Variants in CCDC6 observed in about 807,000 individuals in gnomAD.
The protein encoded by CCDC6 is coiled-coil domain-containing protein 6.
CCDC6 carries 20 observed loss-of-function variants against 56.6 expected under a neutral mutation model. That is an observed-to-expected ratio of 0.35 (90% CI 0.25 to 0.51). The LOEUF (loss-of-function observed/expected upper bound fraction) is 0.51, where lower values mean the gene tolerates loss of function less well. Ranked by LOEUF, CCDC6 falls within the 20% of genes least tolerant of loss-of-function variation. CCDC6 has a pLI of 0.95. For synonymous variants in CCDC6, 241 were observed against 234.4 expected, an observed-to-expected ratio of 1.03 and a Z score of -0.26; for missense variants, 367 against 601.1, an observed-to-expected ratio of 0.61 and a Z score of 4.07.
intron 6 of CCDC6, chr10:59,805,310 AAG>A (rs1484788252): frequency 1.3e-5 from 2 of 152,190 alleles, no homozygotes; most frequent in Non-Finnish European, 2.9e-5. Flanking sequence ...CTAGTAGACT[AAG>A]AGGCATCTTG....
chr10:59,900,679 C>T (rs1245131254), intron 1 of CCDC6, among the ~76,000 whole-genome samples: 3 of 152,284 alleles, frequency 2.0e-5, no homozygotes, highest in East Asian at 1.9e-4. Context: ...ACAAGAGTCA[C>T]CACAAACCAG....
At chr10:59,864,182 C>G (rs777004911) in intron 1 of CCDC6, among the ~76,000 whole-genome samples, 5 of 152,074 alleles carry the variant, frequency 3.3e-5, no homozygotes, top group African/African-American at 4.8e-5. Flanking sequence ...AAGAAAGTTC[C>G]CCCCACCTTT....
intron 3 of CCDC6, among the ~76,000 whole-genome samples, chr10:59,823,012 C>T (rs866890960): frequency 2.6e-5 from 4 of 152,280 alleles, no homozygotes; most frequent in Non-Finnish European, 5.9e-5. Flanking sequence ...GAGAAGACTA[C>T]AGGCAGACTT....
At chr10:59,871,316 T>C (rs2071227346) in intron 1 of CCDC6, among the ~76,000 whole-genome samples, 3 of 152,022 alleles carry the variant, frequency 2.0e-5, no homozygotes, top group Admixed American at 1.3e-4. Context: ...CACCGCCTTG[T>C]ATATACGAAG....
At chr10:59,826,118 G>A (rs1193235893) in intron 3 of CCDC6, among the ~76,000 whole-genome samples, 1 of 152,104 alleles carries the variant, frequency 6.6e-6, no homozygotes, top group African/African-American at 2.4e-5. Flanking sequence ...ACAAGCCCTG[G>A]TAGAGCTATG....
At chr10:59,866,626 G>T (rs760341385) in intron 1 of CCDC6, among the ~76,000 whole-genome samples, 3 of 152,032 alleles carry the variant, frequency 2.0e-5, no homozygotes. Context: ...GCCTCACGTC[G>T]TATATAGGGA....
chr10:59,791,741 G>A lies in CCDC6; in HGVS notation c.*1176C>T, dbSNP rs2070469808. On this transcript the variant is annotated 3_prime_UTR_variant, in exon 9 of 9. Transcript: ENST00000263102. Reference sequence around the variant, plus strand: ...ATGTTGCACGTGTTAAGAAAAGAGTGACTCAGTGTTCCACTGCAAAGTGAA... The same window carrying A: ...ATGTTGCACGTGTTAAGAAAAGAGTAACTCAGTGTTCCACTGCAAAGTGAA... 3 of 214,106 alleles carry A rather than the reference G, an allele frequency of 1.4e-5. No homozygotes were observed. Among genetic ancestry groups the A allele is most frequent in the Non-Finnish European group, 1.9e-5 (2 of 105,624 alleles). The allele number at this position is 214,106 out of a possible 1,614,324, so 13.3% of individuals were successfully genotyped here. A position where few individuals can be genotyped will look rare whatever the true frequency, so the allele number is the denominator to read the frequency against.
At chr10:59,886,931 T>C (rs1471744032) in intron 1 of CCDC6, among the ~76,000 whole-genome samples, 1 of 152,232 alleles carries the variant, frequency 6.6e-6, no homozygotes, top group Non-Finnish European at 1.5e-5. Flanking sequence ...TGTACTAATA[T>C]GTCACTGTCC....
At chr10:59,837,224 A>G (rs2070890317) in intron 2 of CCDC6, among the ~76,000 whole-genome samples, 1 of 152,234 alleles carries the variant, frequency 6.6e-6, no homozygotes, top group South Asian at 2.1e-4. Flanking sequence ...AGGTAGAGGC[A>G]TTGAAAATCA....
At chr10:59,818,494 A>ATGGGGG (rs2070725391) in intron 3 of CCDC6, among the ~76,000 whole-genome samples, 1 of 59,394 alleles carries the variant, frequency 1.7e-5, no homozygotes, top group African/African-American at 1.4e-4. Flanking sequence ...TATAATGTTG[A>ATGGGGG]CGGGGGGGGG....
At chr10:59,804,771 A>G in intron 6 of CCDC6, 1 of 426,876 alleles carries the variant, frequency 2.3e-6, no homozygotes. Flanking sequence ...AGCCAGGTGA[A>G]AGAGGTGCAC....
chr10:59,891,771 A>G (rs1041715869), intron 1 of CCDC6, among the ~76,000 whole-genome samples: 4 of 145,890 alleles, frequency 2.7e-5, no homozygotes, highest in African/African-American at 9.7e-5. Context: ...GCTTACTTTA[A>G]CTTGTTTATT....
intron 6 of CCDC6, chr10:59,805,543 T>C (rs2070614123): frequency 6.6e-6 from 1 of 152,188 alleles, no homozygotes; most frequent in Non-Finnish European, 1.5e-5. Context: ...TTAGAGTGTA[T>C]CTTACCCCAA....
intron 4 of CCDC6, 49 bp downstream of exon 4, chr10:59,814,603 C>T: frequency 1.1e-6 from 1 of 919,858 alleles, no homozygotes; most frequent in South Asian, 1.6e-5. Flanking sequence ...AGCAGCAACA[C>T]ACACACACAC....
chr10:59,802,826 C>T (rs1215184934), intron 7 of CCDC6, among the ~76,000 whole-genome samples: 2 of 152,138 alleles, frequency 1.3e-5, no homozygotes, highest in Non-Finnish European at 2.9e-5. Context: ...TTTTTCTTTT[C>T]TCAATGATTG....
At chr10:59,889,703 T>G (rs934804654) in intron 1 of CCDC6, among the ~76,000 whole-genome samples, 3 of 152,170 alleles carry the variant, frequency 2.0e-5, no homozygotes, top group Non-Finnish European at 4.4e-5. Context: ...TAGCAAGAGA[T>G]GGGAGGATGG....
chr10:59,820,123 C>A (rs2070738719), intron 3 of CCDC6, among the ~76,000 whole-genome samples: 1 of 152,208 alleles, frequency 6.6e-6, no homozygotes, highest in Middle Eastern at 3.2e-3. Flanking sequence ...TCTCAGTAGA[C>A]AGATCCTGAC....
Position 59,789,397 on chromosome 10 carries a change from C to T in CCDC6, c.*3520G>A, listed in dbSNP as rs2070448432. On this transcript the variant is annotated 3_prime_UTR_variant, in exon 9 of 9. Transcript: ENST00000263102. ...TGAGCATTCCAGAAAATGCCCCCCA[C>T]GACTTTATGCTAACAGCTGTGTGTA... 3 of 228,386 alleles carry T rather than the reference C, an allele frequency of 1.3e-5. No individual in the cohort carries two copies. Among genetic ancestry groups the T allele is most frequent in the Non-Finnish European group, 1.7e-5 (2 of 115,428 alleles). 14.1% of individuals were successfully genotyped at this position (228,386 alleles called of 1,614,324 possible). A position where few individuals can be genotyped will look rare whatever the true frequency, so the allele number is the denominator to read the frequency against.
chr10:59,902,134 T>C (rs921657704), intron 1 of CCDC6, among the ~76,000 whole-genome samples: 2 of 152,180 alleles, frequency 1.3e-5, no homozygotes, highest in African/African-American at 2.4e-5. Context: ...TACTGTTGAT[T>C]GTCTCCCACA....
Sources: allele counts gnomAD v4.1 joint callset (sites outside exome capture counted in the v4.1 genomes callset), GRCh38; gene constraint gnomAD v4.1.1; transcripts MANE v1.5; gene names NCBI Gene and HGNC (gene_info 2026-07-23, HGNC 2026-07-21).